FRAS1: variants seen among roughly 807,000 people sequenced by gnomAD.
The protein encoded by FRAS1 is Fraser extracellular matrix complex subunit 1.
FRAS1 carries 290 observed loss-of-function variants against 435.2 expected under a neutral mutation model. The observed-to-expected ratio is 0.67, with a 90% CI of 0.61 to 0.73. FRAS1 has a LOEUF of 0.73. FRAS1 is among the 30% of genes least tolerant of loss of function. The pLI, the probability that FRAS1 is intolerant of heterozygous loss-of-function variation, is 0.00. For synonymous variants in FRAS1, 1,800 were observed against 1,851.0 expected, an observed-to-expected ratio of 0.97 and a Z score of 0.71; for missense variants, 4,860 against 5,001.5, an observed-to-expected ratio of 0.97 and a Z score of 0.85.
intron 2 of FRAS1, among the ~76,000 whole-genome samples, chr4:78,077,578 C>G (rs559845763): frequency 6.6e-6 from 1 of 151,594 alleles, no homozygotes; most frequent in Admixed American, 6.6e-5. Flanking sequence ...ACTTTCTCAT[C>G]ATCCACCCGC....
At position 78,411,108 on chromosome 4, in the gene FRAS1, A is replaced by ATTTTTTTTTTTTTTT. The variant is rs369399937; in HGVS notation, c.4309-1853_4309-1852insTTTTTTTTTTTTTTT. On this transcript the variant is annotated intron_variant, in intron 31 of 73. Transcript: ENST00000512123. Reference sequence around the variant, plus strand: ...AAATGCAGTATAATGAGTTGCATGGATTTTTTTTCTTTTTTTTTCTGAGAC... The same window carrying ATTTTTTTTTTTTTTT: ...AAATGCAGTATAATGAGTTGCATGGATTTTTTTTTTTTTTTTTTTTTTTCTTTTTTTTTCTGAGAC... 1.4e-5 allele frequency among the ~76,000 whole-genome samples: 2 copies of ATTTTTTTTTTTTTTT among 142,858 alleles called. 1 individual carries two copies. 93.7% of individuals were successfully genotyped at this position (142,858 alleles called of 152,430 possible).
intron 1 of FRAS1, among the ~76,000 whole-genome samples, chr4:78,059,221 G>A (rs993543743): frequency 1.3e-5 from 2 of 152,136 alleles, no homozygotes; most frequent in Non-Finnish European, 2.9e-5. Flanking sequence ...GGGGGCTGCG[G>A]GAGGCCCGGG....
intron 6 of FRAS1, among the ~76,000 whole-genome samples, chr4:78,255,956 G>A (rs752426238): frequency 1.3e-5 from 2 of 152,006 alleles, no homozygotes; most frequent in Non-Finnish European, 2.9e-5. Flanking sequence ...TGGTATACGT[G>A]GTATTTTATA....
chr4:78,095,434 G>C (rs905028970), intron 2 of FRAS1, among the ~76,000 whole-genome samples: 1 of 152,178 alleles, frequency 6.6e-6, no homozygotes, highest in African/African-American at 2.4e-5. Context: ...CTTGGTTCTG[G>C]TCACGGGAGC....
intron 59 of FRAS1, among the ~76,000 whole-genome samples, chr4:78,494,899 C>G (rs551215683): frequency 6.6e-6 from 1 of 152,240 alleles, no homozygotes; most frequent in South Asian, 2.1e-4. Flanking sequence ...ACTACAGGAC[C>G]TGCATATACC....
At chr4:78,458,305 A>G (rs1288877032) in intron 47 of FRAS1, among the ~76,000 whole-genome samples, 1 of 152,208 alleles carries the variant, frequency 6.6e-6, no homozygotes, top group Non-Finnish European at 1.5e-5. Flanking sequence ...CCTTTAGGCT[A>G]CCTAGTCATG....
chr4:78,152,958 C>T, intron 2 of FRAS1, among the ~76,000 whole-genome samples: 1 of 152,106 alleles, frequency 6.6e-6, no homozygotes, highest in African/African-American at 2.4e-5. Flanking sequence ...CAGAGCTCTC[C>T]CTTTTTTCCT....
At chr4:78,391,859 A>G (rs1165412830) in intron 29 of FRAS1, among the ~76,000 whole-genome samples, 1 of 152,164 alleles carries the variant, frequency 6.6e-6, no homozygotes, top group Non-Finnish European at 1.5e-5. Flanking sequence ...TTTCAGGGAC[A>G]CAGTTGGTTT....
rs767268504 is a variant in FRAS1 at position 78,521,583 on chromosome 4, A to G, written c.10601A>G (p.Glu3534Gly). 6.2e-7 allele frequency: 1 copy of G among 1,611,286 alleles called. No homozygotes were observed. The highest frequency in any genetic ancestry group is 2.2e-5 in the East Asian group (1 of 44,750). ...RLQIIRIYIR[E>G]DGRLVIEFKT... is the part of the protein sequence containing the mutation. The stretch of plus-strand genomic sequence containing the variant: ...CAGATAATAAGAATCTACATTCGAG[A>G]GGATGGCCGTCTTGTCATTGAATTC... The change falls in exon 68 of 74, where the codon GAG becomes GGG. Residue 3534 changes from glutamate to glycine, a missense_variant. Glu to Gly is a moderately conservative substitution (Grantham distance 98, BLOSUM62 -2). Transcript: ENST00000512123.
chr4:78,390,592 T>C (rs1732407136), intron 29 of FRAS1, among the ~76,000 whole-genome samples: 1 of 152,240 alleles, frequency 6.6e-6, no homozygotes, highest in South Asian at 2.1e-4. Context: ...CAATGTTCTA[T>C]CCAAGCTGGG....
At chr4:78,211,809 A>G (rs1050354891) in intron 2 of FRAS1, among the ~76,000 whole-genome samples, 3 of 152,180 alleles carry the variant, frequency 2.0e-5, no homozygotes, top group African/African-American at 7.2e-5. Flanking sequence ...CAATTTTTTA[A>G]ATAATCCCAA....
At chr4:78,468,390 T>C (rs975579633) in intron 50 of FRAS1, among the ~76,000 whole-genome samples, 3 of 152,140 alleles carry the variant, frequency 2.0e-5, no homozygotes, top group African/African-American at 7.2e-5. Flanking sequence ...TTTCCCTATC[T>C]GTAAAGTGGA....
rs771296000 is a variant in FRAS1, at chr4:78,317,509, G to A, written c.1960+1G>A. 1.2e-6 allele frequency: 2 copies of A among 1,610,486 alleles called. No individual in the cohort carries two copies. The highest frequency in any genetic ancestry group is 1.3e-5 in the African/African-American group (1 of 74,950). On this transcript the variant is annotated splice_donor_variant, in intron 17 of 73. Transcript: ENST00000512123. LOFTEE classifies it high-confidence loss of function. The stretch of plus-strand genomic sequence containing the variant: ...TACTCTGACCATGGAGTCTGCAAAG[G>A]TATCGTTGGTGTCACCATCATTCTT...
At chr4:78,432,262 A>G in intron 37 of FRAS1, 95 bp from the exon 38 acceptor site, 1 of 1,281,202 alleles carries the variant, frequency 7.8e-7, no homozygotes, top group Non-Finnish European at 1.1e-6. Context: ...TTATGATCCT[A>G]TATGAACCTT....
rs190015398 is a variant in FRAS1 at position 78,207,568 on chromosome 4, T to A, written c.109-29942T>A. 1.3e-4 allele frequency among the ~76,000 whole-genome samples: 20 copies of A among 152,340 alleles called. No homozygotes were observed. The East Asian group carries it at 3.3e-3, about 25-fold the overall frequency. ...TGTAGTAATGATAGATACTTGCTTCTAGTAGGCTCCATAATCCTCCCAGTC... is the reference window on the plus strand; with the variant it reads ...TGTAGTAATGATAGATACTTGCTTCAAGTAGGCTCCATAATCCTCCCAGTC... On this transcript the variant is annotated intron_variant, in intron 2 of 73. Transcript: ENST00000512123.
At chr4:78,284,152 T>A (rs1211586164) in intron 12 of FRAS1, among the ~76,000 whole-genome samples, 1 of 151,702 alleles carries the variant, frequency 6.6e-6, no homozygotes, top group African/African-American at 2.4e-5. Flanking sequence ...TCTTTTAGTA[T>A]CTTCATGCTG....
At chr4:78,463,060 C>A (rs954160370) in intron 47 of FRAS1, among the ~76,000 whole-genome samples, 57 of 152,108 alleles carry the variant, frequency 3.7e-4, no homozygotes, top group African/African-American at 1.3e-3. Flanking sequence ...TGGATTAATA[C>A]CTCAAAACCC....
At chr4:78,212,625 C>A (rs553926617) in intron 2 of FRAS1, among the ~76,000 whole-genome samples, 5 of 152,216 alleles carry the variant, frequency 3.3e-5, no homozygotes, top group Admixed American at 1.3e-4. Context: ...ATGTTCATAC[C>A]TTTTACTATA....
At chr4:78,530,356 G>T (rs1022920112) in intron 70 of FRAS1, among the ~76,000 whole-genome samples, 24 of 151,962 alleles carry the variant, frequency 1.6e-4, no homozygotes, top group Admixed American at 1.2e-3. Flanking sequence ...CAGAGTTGGG[G>T]GTCCTTGCTT....
Sources: gnomAD v4.1 joint callset for allele counts (sites outside exome capture counted in the v4.1 genomes callset) on GRCh38, gnomAD v4.1.1 for gene constraint, MANE v1.5 for transcripts, NCBI Gene and HGNC (gene_info 2026-07-23, HGNC 2026-07-21) for gene names.